Variants in KIAA1671 observed in about 807,000 individuals in gnomAD.
KIAA1671 encodes the protein KIAA1671.
In KIAA1671, 52 loss-of-function variants were observed where a neutral mutation model predicts 131.2. The ratio of observed to expected loss-of-function variants is 0.40; its 90% CI spans 0.32 to 0.50. The LOEUF is 0.50. KIAA1671 is among the 20% of genes least tolerant of loss of function. The pLI is 0.73. For missense variants in KIAA1671, 2,360 were observed against 2,364.2 expected (o/e 1.00, Z 0.04); for synonymous variants, 1,003 against 961.6 (o/e 1.04, Z -0.80).
intron 6 of KIAA1671, among the ~76,000 whole-genome samples, chr22:25,150,394 G>C (rs1342894688): frequency 6.6e-6 from 1 of 152,158 alleles, no homozygotes; most frequent in African/African-American, 2.4e-5. Flanking sequence ...TGACTTACCT[G>C]AGGCCATACA....
At chr22:25,127,220 C>G (rs1255128747) in intron 6 of KIAA1671, among the ~76,000 whole-genome samples, 3 of 152,164 alleles carry the variant, frequency 2.0e-5, no homozygotes, top group Non-Finnish European at 4.4e-5. Context: ...GGTAGGTGCT[C>G]AGTAGCTTCA....
At chr22:25,034,899 G>A (rs1926504922) in intron 4 of KIAA1671, among the ~76,000 whole-genome samples, 2 of 150,652 alleles carry the variant, frequency 1.3e-5, no homozygotes, top group Non-Finnish European at 3.0e-5. Context: ...CACCACGCCT[G>A]GCTAATTTTT....
intron 1 of KIAA1671, among the ~76,000 whole-genome samples, chr22:24,970,943 C>T (rs1009971057): frequency 6.6e-6 from 1 of 152,040 alleles, no homozygotes; most frequent in African/African-American, 2.4e-5. Flanking sequence ...TCAACTGTAG[C>T]TGCTGTAATT....
chr22:24,965,646 G>A (rs6004372), intron 1 of KIAA1671, among the ~76,000 whole-genome samples: 7,595 of 151,426 alleles, frequency 0.05, 641 homozygotes, highest in African/African-American at 0.17. Flanking sequence ...AGGCTGAGGC[G>A]GGAGAATCGC....
At chr22:25,085,702 T>C (rs1428006219) in intron 6 of KIAA1671, among the ~76,000 whole-genome samples, 1 of 141,698 alleles carries the variant, frequency 7.1e-6, no homozygotes, top group Non-Finnish European at 1.5e-5. Context: ...TTCCTCTGCC[T>C]CCGCACAGCC....
At position 24,959,824 on chromosome 22, in the gene KIAA1671, A is replaced by C. The variant is rs117593144; in HGVS notation, c.-208+7052A>C. On this transcript the variant is annotated intron_variant, in intron 1 of 12. Coordinates refer to ENST00000358431, the MANE Select transcript of KIAA1671 (RefSeq NM_001145206.2). ...AGTTAAGTGACCTTTGAAATGTTCT[A>C]TAGCCATGTCTCCATTAAGAATATG... is the stretch of plus-strand genomic sequence containing the variant. Among the ~76,000 whole-genome samples, 528 of 152,264 alleles carry C rather than the reference A, an allele frequency of 3.5e-3. 18 individuals carry two copies. The East Asian group carries it at 0.077, about 22-fold the overall frequency.
chr22:25,136,973 G>A (rs1431054797), intron 6 of KIAA1671, among the ~76,000 whole-genome samples: 2 of 152,174 alleles, frequency 1.3e-5, no homozygotes, highest in Non-Finnish European at 1.5e-5. Context: ...AGCAAGTAGA[G>A]GCTGGGCACT....
chr22:25,077,559 C>G (rs2008244), intron 6 of KIAA1671, among the ~76,000 whole-genome samples: 74,063 of 152,020 alleles, frequency 0.49, 18,711 homozygotes, highest in African/African-American at 0.62. Context: ...TGGCTGCTTT[C>G]AGTGTAGTGA....
Position 25,029,545 on chromosome 22 carries a change from G to C in KIAA1671, c.1541+5G>C. 6.6e-7 allele frequency: 1 copy of C among 1,526,112 alleles called. No homozygotes were observed. The highest frequency in any genetic ancestry group is 8.8e-7 in the Non-Finnish European group (1 of 1,134,558). The allele number at this position is 1,526,112 out of a possible 1,614,324, so 94.5% of individuals were successfully genotyped here. A position where few individuals can be genotyped will look rare whatever the true frequency, so the allele number is the denominator to read the frequency against. On this transcript the variant is annotated splice_donor_5th_base_variant and intron_variant, in intron 3 of 12. Coordinates refer to ENST00000358431, the MANE Select transcript of KIAA1671 (RefSeq NM_001145206.2). The stretch of plus-strand genomic sequence containing the variant: ...GTCGGCGGATTTGACCAAATTGTAA[G>C]TAGGCACATCCCACACCCCTCTCTC...
intron 6 of KIAA1671, among the ~76,000 whole-genome samples, chr22:25,113,455 T>C (rs1363435692): frequency 6.6e-6 from 1 of 152,196 alleles, no homozygotes; most frequent in Non-Finnish European, 1.5e-5. Context: ...AGCCAGCCCC[T>C]TTTTCTGGGT....
chr22:25,044,101 C>G (rs1024624117), intron 5 of KIAA1671, among the ~76,000 whole-genome samples: 3 of 152,130 alleles, frequency 2.0e-5, no homozygotes, highest in Non-Finnish European at 4.4e-5. Context: ...TCCCAAGAGG[C>G]CAAGCTCTCC....
intron 6 of KIAA1671, among the ~76,000 whole-genome samples, chr22:25,143,283 T>C (rs1241076561): frequency 6.6e-6 from 1 of 152,168 alleles, no homozygotes; most frequent in African/African-American, 2.4e-5. Context: ...ACAGATGGAA[T>C]GTGTGGGCCT....
chr22:24,962,683 T>A (rs1922077125), intron 1 of KIAA1671, among the ~76,000 whole-genome samples: 2 of 152,182 alleles, frequency 1.3e-5, no homozygotes, highest in Non-Finnish European at 2.9e-5. Context: ...CTAGTATCGT[T>A]AGGATTACTA....
At position 25,029,196 on chromosome 22, in the gene KIAA1671, T is replaced by C; in HGVS notation, c.1197T>C (p.Ala399=). The change falls in exon 3 of 13, where the codon GCT becomes GCC. Residue 399 remains alanine (A), a synonymous_variant. Coordinates refer to ENST00000358431, the MANE Select transcript of KIAA1671 (RefSeq NM_001145206.2). ...KAKLDPEPEK[A]AESPSPRLGR... ...AGCTGGACCCAGAGCCAGAGAAGGC[T>C]GCTGAGTCCCCCTCACCCAGGCTGG... 3.4e-6 allele frequency: 5 copies of C among 1,457,126 alleles called. No individual in the cohort carries two copies. The highest frequency in any genetic ancestry group is 4.5e-6 in the Non-Finnish European group (5 of 1,101,834). The allele number at this position is 1,457,126 out of a possible 1,614,324, so 90.3% of individuals were successfully genotyped here.
chr22:25,040,688 C>T lies in KIAA1671; in HGVS notation c.3558C>T (p.Phe1186=), dbSNP rs927650089. The T allele has an allele frequency of 1.3e-6, 2 of 1,552,024 alleles. No homozygotes were observed. Among genetic ancestry groups the T allele is most frequent in the African/African-American group, 2.7e-5 (2 of 73,048 alleles). The change falls in exon 5 of 13, where the codon TTC becomes TTT. Residue 1186 remains phenylalanine, a synonymous_variant. Transcript: ENST00000358431. ...RRKTDVISDT[F]PGKIRDGYRS... ...AGACTGATGTGATCAGTGACACGTT[C>T]CCAGGTAAAATCAGAGATGGCTACA...
intron 6 of KIAA1671, among the ~76,000 whole-genome samples, chr22:25,088,090 C>CT (rs1385185450): frequency 6.7e-6 from 1 of 148,652 alleles, no homozygotes; most frequent in East Asian, 1.9e-4. Context: ...TTAATGATGT[C>CT]TTTCTTTTCT....
chr22:25,188,174 G>A (rs192519642), intron 11 of KIAA1671, among the ~76,000 whole-genome samples: 15 of 152,208 alleles, frequency 9.9e-5, no homozygotes, highest in East Asian at 3.9e-4. Context: ...GGTGGCGGGC[G>A]CCTGTAGTCC....
At position 24,960,812 on chromosome 22, in the gene KIAA1671, A is replaced by G. The variant is rs77589844; in HGVS notation, c.-208+8040A>G. Among the ~76,000 whole-genome samples the G allele has an allele frequency of 8.2e-3, 1,242 of 152,066 alleles. 23 individuals carry two copies. The highest frequency in any genetic ancestry group is 0.028 in the African/African-American group (1,181 of 41,474). On this transcript the variant is annotated intron_variant, in intron 1 of 12. Coordinates refer to ENST00000358431, the MANE Select transcript of KIAA1671 (RefSeq NM_001145206.2). ...TTTAGAACGTTGAAATGACCTGCCC[A>G]ATTTCCCAGCAGAGTGGCTATACCT...
intron 6 of KIAA1671, among the ~76,000 whole-genome samples, chr22:25,099,171 T>C (rs2076930): frequency 0.77 from 116,503 of 152,132 alleles, 45,387 homozygotes; most frequent in African/African-American, 0.9. Flanking sequence ...TCAGTTTTCT[T>C]CTCTGCACAG....
Sources: allele counts gnomAD v4.1 joint callset (sites outside exome capture counted in the v4.1 genomes callset), GRCh38; gene constraint gnomAD v4.1.1; transcripts MANE v1.5; gene names NCBI Gene and HGNC (gene_info 2026-07-23, HGNC 2026-07-21).